The following CUX2 variants were observed in gnomAD, a reference collection of about 807,000 sequenced individuals.
CUX2 encodes the protein homeobox protein cut-like 2.
A neutral mutation model predicts 144.8 loss-of-function variants in CUX2; 40 were observed. The observed-to-expected ratio is 0.28, with a 90% CI of 0.21 to 0.36. CUX2 has a LOEUF of 0.36. Among genes scored for constraint, CUX2 ranks in the 10% least tolerant of loss-of-function variants. CUX2 has a pLI of 1.00. For synonymous variants in CUX2, 827 were observed against 875.6 expected, an observed-to-expected ratio of 0.94 and a Z score of 0.98; for missense variants, 1,615 against 1,994.0, an observed-to-expected ratio of 0.81 and a Z score of 3.62.
At chr12:111,104,014 C>T (rs565186580) in intron 1 of CUX2, among the ~76,000 whole-genome samples, 99 of 152,326 alleles carry the variant, frequency 6.5e-4, no homozygotes, top group African/African-American at 2.2e-3. Context: ...CAAGCCGTTC[C>T]GACCACCTGG....
chr12:111,309,038 G>A (rs2136370019), intron 14 of CUX2, among the ~76,000 whole-genome samples: 1 of 152,270 alleles, frequency 6.6e-6, no homozygotes, highest in East Asian at 1.9e-4. Flanking sequence ...CTGAGTAGCT[G>A]GGATTACAGG....
chr12:111,201,385 C>G (rs1280630908), intron 1 of CUX2, among the ~76,000 whole-genome samples: 4 of 152,178 alleles, frequency 2.6e-5, no homozygotes, highest in African/African-American at 4.8e-5. Context: ...CCCACAACTT[C>G]CCAACCTAAT....
chr12:111,223,891 G>C (rs1881984732), intron 3 of CUX2, among the ~76,000 whole-genome samples: 1 of 152,156 alleles, frequency 6.6e-6, no homozygotes, highest in Non-Finnish European at 1.5e-5. Context: ...TCCTGGGGGA[G>C]TAGGGAACCC....
At chr12:111,269,851 G>A (rs1280828561) in intron 4 of CUX2, among the ~76,000 whole-genome samples, 1 of 152,110 alleles carries the variant, frequency 6.6e-6, no homozygotes, top group East Asian at 1.9e-4. Flanking sequence ...CTGACTCCAG[G>A]AGTCTGATTT....
intron 3 of CUX2, among the ~76,000 whole-genome samples, chr12:111,251,345 GA>G (rs1415138302): frequency 1.3e-5 from 2 of 152,154 alleles, no homozygotes; most frequent in Non-Finnish European, 2.9e-5. Flanking sequence ...AAGGAAAAGG[GA>G]AAAAAGCTTC....
chr12:111,326,593 CT>C (rs1250861980), intron 18 of CUX2, among the ~76,000 whole-genome samples: 1 of 151,776 alleles, frequency 6.6e-6, no homozygotes, highest in African/African-American at 2.4e-5. Flanking sequence ...TTTTAACTAA[CT>C]TTTTTACTGT....
intron 4 of CUX2, among the ~76,000 whole-genome samples, 168 bp downstream of exon 4, chr12:111,264,007 GT>G (rs1884261059): frequency 6.6e-6 from 1 of 152,166 alleles, no homozygotes; most frequent in African/African-American, 2.4e-5. Flanking sequence ...GGTGTGACAT[GT>G]CCCCCCAGGG....
intron 16 of CUX2, among the ~76,000 whole-genome samples, chr12:111,317,194 G>T (rs895645316): frequency 3.9e-5 from 6 of 152,150 alleles, no homozygotes; most frequent in Non-Finnish European, 1.5e-5. Flanking sequence ...ATGAAGAAGG[G>T]GTTACATTGA....
rs1337069122 is a variant in CUX2, at chr12:111,035,678, A to C, written c.63+1438A>C. Among the ~76,000 whole-genome samples, 1 of 143,580 alleles carries C rather than the reference A, an allele frequency of 7.0e-6. No homozygotes were observed. Among genetic ancestry groups the C allele is most frequent in the Non-Finnish European group, 1.5e-5 (1 of 66,608 alleles). 94.2% of individuals were successfully genotyped at this position (143,580 alleles called of 152,430 possible). Reference sequence around the variant, plus strand: ...GTTTCTTCTGATAAGTGGTTCCAGCACCCGCGCCTTCTCCCCGTCCTGGCC... The same window carrying C: ...GTTTCTTCTGATAAGTGGTTCCAGCCCCCGCGCCTTCTCCCCGTCCTGGCC... On this transcript the variant is annotated intron_variant, in intron 1 of 21. Coordinates refer to ENST00000261726, the MANE Select transcript of CUX2 (RefSeq NM_015267.4). This position sits in a 1 kb window ranked among gnomAD's most constrained non-coding sequence, Gnocchi z 6.0.
chr12:111,195,225 C>G (rs141622915), intron 1 of CUX2, among the ~76,000 whole-genome samples: 1 of 152,166 alleles, frequency 6.6e-6, no homozygotes, highest in Non-Finnish European at 1.5e-5. Flanking sequence ...TCCTGCCCAA[C>G]GCACCTTTTT....
At chr12:111,321,096 C>T (rs1887504760) in intron 17 of CUX2, among the ~76,000 whole-genome samples, 1 of 152,140 alleles carries the variant, frequency 6.6e-6, no homozygotes, top group African/African-American at 2.4e-5. Flanking sequence ...CTTTGGGAGA[C>T]GGAGGTGGGA....
intron 4 of CUX2, among the ~76,000 whole-genome samples, chr12:111,285,776 GA>G (rs1401705800): frequency 6.6e-6 from 1 of 152,208 alleles, no homozygotes; most frequent in African/African-American, 2.4e-5. Context: ...CTAATCCGTG[GA>G]AAGGGCCTTG....
chr12:111,217,191 G>A (rs1228137427), intron 2 of CUX2, among the ~76,000 whole-genome samples: 4 of 152,196 alleles, frequency 2.6e-5, no homozygotes, highest in Non-Finnish European at 4.4e-5. Context: ...GGAAATAGGA[G>A]GCTCAGGGTG....
At chr12:111,050,243 C>G (rs929417827) in intron 1 of CUX2, among the ~76,000 whole-genome samples, 1 of 151,134 alleles carries the variant, frequency 6.6e-6, no homozygotes, top group Non-Finnish European at 1.5e-5. Context: ...TGTTTCTTTT[C>G]AGACCCATCC....
At chr12:111,127,034 A>C (rs928696276) in intron 1 of CUX2, among the ~76,000 whole-genome samples, 1 of 152,268 alleles carries the variant, frequency 6.6e-6, no homozygotes, top group South Asian at 2.1e-4. Context: ...ACCGTAATAT[A>C]AAGTCAATAT....
intron 1 of CUX2, among the ~76,000 whole-genome samples, chr12:111,140,025 C>T (rs556575303): frequency 5.3e-5 from 8 of 152,280 alleles, no homozygotes; most frequent in African/African-American, 1.7e-4. Flanking sequence ...GTGAGGCAGT[C>T]GTGGGACCTG....
chr12:111,056,088 T>A lies in CUX2; in HGVS notation c.63+21848T>A, dbSNP rs76451382. Among the ~76,000 whole-genome samples the A allele has an allele frequency of 2.6e-5, 4 of 152,324 alleles. No individual in the cohort carries two copies. In the East Asian group the frequency reaches 7.7e-4, roughly 29 times the overall value. On this transcript the variant is annotated intron_variant, in intron 1 of 21. Transcript: ENST00000261726. Reference sequence around the variant, plus strand: ...ATCCGAGGCAAAAGGCGGAGGCCAATTGTGGCTTTCTTTGGGTGTTCTTGT... The same window carrying A: ...ATCCGAGGCAAAAGGCGGAGGCCAAATGTGGCTTTCTTTGGGTGTTCTTGT...
Position 111,293,673 on chromosome 12 carries a change from A to T in CUX2, c.560+104A>T. The T allele has an allele frequency of 7.0e-7, 1 of 1,435,130 alleles. No homozygotes were observed. Among genetic ancestry groups the T allele is most frequent in the Non-Finnish European group, 9.3e-7 (1 of 1,074,084 alleles). 88.9% of individuals were successfully genotyped at this position (1,435,130 alleles called of 1,614,324 possible). On this transcript the variant is annotated intron_variant, in intron 6 of 21. Transcript: ENST00000261726. The surrounding 1 kb of genome is among the most constrained non-coding windows in gnomAD (Gnocchi z 4.5). ...GGGAAAGTCTCCTACCAGAATCCAG[A>T]TGCAGGCTGGAGACCGAGATGAGAA...
chr12:111,126,770 A>G (rs939340853), intron 1 of CUX2, among the ~76,000 whole-genome samples: 11 of 152,220 alleles, frequency 7.2e-5, no homozygotes, highest in Non-Finnish European at 1.6e-4. Context: ...GCTGACACAT[A>G]AAATTAACCA....
Sources: gnomAD v4.1 joint callset for allele counts (sites outside exome capture counted in the v4.1 genomes callset) on GRCh38, gnomAD v4.1.1 for gene constraint, Gnocchi (gnomAD v3.1) non-coding constraint, MANE v1.5 for transcripts, NCBI Gene and HGNC (gene_info 2026-07-23, HGNC 2026-07-21) for gene names.